The following STK3 variants were observed in gnomAD, a reference collection of about 807,000 sequenced individuals.
STK3 encodes the protein serine/threonine-protein kinase 3.
Under a neutral mutation model 58.0 loss-of-function variants are expected in STK3, and 41 were observed. The ratio of observed to expected loss-of-function variants is 0.71; its 90% CI spans 0.55 to 0.92. STK3 has a LOEUF of 0.92. Ranked by LOEUF, STK3 falls within the 40% of genes least tolerant of loss-of-function variation. The pLI is 0.00. For missense variants in STK3, 479 were observed against 602.7 expected (o/e 0.79, Z 2.15); for synonymous variants, 170 against 191.0 (o/e 0.89, Z 0.91).
intron 4 of STK3, among the ~76,000 whole-genome samples, chr8:98,745,634 A>G (rs1829588892): frequency 6.6e-6 from 1 of 152,190 alleles, no homozygotes; most frequent in Non-Finnish European, 1.5e-5. Flanking sequence ...GCATCTATCA[A>G]TTATGGAACA....
At chr8:98,756,198 G>A (rs373391735) in intron 3 of STK3, among the ~76,000 whole-genome samples, 81 of 151,492 alleles carry the variant, frequency 5.3e-4, no homozygotes, top group African/African-American at 1.1e-3. Flanking sequence ...AAGAACCAAC[G>A]AATAAATAAA....
chr8:98,523,111 C>A (rs1219317667), intron 10 of STK3, among the ~76,000 whole-genome samples: 1 of 152,092 alleles, frequency 6.6e-6, no homozygotes, highest in Non-Finnish European at 1.5e-5. Flanking sequence ...TTTTGAGGAA[C>A]CACCATACTG....
At position 98,814,052 on chromosome 8, in the gene STK3, A is replaced by C. The variant is rs575046639; in HGVS notation, c.26+11463T>G. Among the ~76,000 whole-genome samples, 6 of 152,130 alleles carry C rather than the reference A, an allele frequency of 3.9e-5. No homozygotes were observed. The South Asian group carries it at 1.2e-3, about 32-fold the overall frequency. ...AAAAAGGCAACTGAATCTTTAATTG[A>C]TTTTTTTCTTCTTTTTGAGACGGAG... On this transcript the variant is annotated intron_variant, in intron 1 of 10. Transcript: ENST00000419617.
chr8:98,727,309 T>G (rs1827858945), intron 4 of STK3, among the ~76,000 whole-genome samples: 1 of 152,190 alleles, frequency 6.6e-6, no homozygotes, highest in Non-Finnish European at 1.5e-5. Context: ...ATCTTGTAAC[T>G]GAGGGAAGAG....
intron 4 of STK3, among the ~76,000 whole-genome samples, chr8:98,742,231 T>C (rs968159914): frequency 9.9e-5 from 15 of 151,920 alleles, no homozygotes; most frequent in African/African-American, 3.4e-4. Context: ...ACTCATTTTA[T>C]GAGGCCAGCA....
chr8:98,475,661 T>A lies in STK3; in HGVS notation c.1318-19661A>T, dbSNP rs545982943. Among the ~76,000 whole-genome samples the A allele has an allele frequency of 7.2e-5, 11 of 152,360 alleles. No individual in the cohort carries two copies. The East Asian group carries it at 1.2e-3, about 16-fold the overall frequency. ...AGACAACTCTCTTAAGGAGGTTTTT[T>A]AAAGCATCATCTGATATCTACGCTA... On this transcript the variant is annotated intron_variant, in intron 10 of 10. Transcript: ENST00000419617.
intron 4 of STK3, among the ~76,000 whole-genome samples, chr8:98,748,990 A>G (rs763904413): frequency 2.0e-5 from 3 of 151,908 alleles, no homozygotes; most frequent in Non-Finnish European, 4.4e-5. Context: ...ATTAAACAAC[A>G]CACACACACG....
At chr8:98,573,673 G>A (rs1313614770) in intron 8 of STK3, among the ~76,000 whole-genome samples, 1 of 151,956 alleles carries the variant, frequency 6.6e-6, no homozygotes, top group Non-Finnish European at 1.5e-5. Context: ...GCTCATTCCA[G>A]CATTAACTCA....
At chr8:98,346,250 A>C in the STK3 span, among the ~76,000 whole-genome samples, 3 of 150,236 alleles carry the variant, frequency 2.0e-5, no homozygotes, top group African/African-American at 7.4e-5. Context: ...ACGCCATTGC[A>C]CTTCGGCCTG....
intron 9 of STK3, among the ~76,000 whole-genome samples, chr8:98,535,514 T>C (rs1314789429): frequency 1.3e-5 from 2 of 151,882 alleles, no homozygotes; most frequent in Non-Finnish European, 2.9e-5. Flanking sequence ...CGTTATGGTC[T>C]TGTTTTCTCC....
chr8:98,816,726 G>A (rs974158736), intron 1 of STK3, among the ~76,000 whole-genome samples: 2 of 152,032 alleles, frequency 1.3e-5, no homozygotes, highest in African/African-American at 4.8e-5. Flanking sequence ...TAGAGATGGG[G>A]TTTTGCCATG....
chr8:98,650,827 A>G (rs1820847485), intron 6 of STK3, among the ~76,000 whole-genome samples: 1 of 152,216 alleles, frequency 6.6e-6, no homozygotes, highest in African/African-American at 2.4e-5. Context: ...AGGTAAACAA[A>G]GCAGCCAGGA....
At chr8:98,840,607 A>ACG (rs1283840121) in intron 3 of STK3, among the ~76,000 whole-genome samples, 1 of 133,408 alleles carries the variant, frequency 7.5e-6, no homozygotes, top group African/African-American at 2.9e-5. Context: ...ATATATATAT[A>ACG]TATATATATA....
intron 6 of STK3, among the ~76,000 whole-genome samples, chr8:98,629,376 T>C (rs1818996320): frequency 6.6e-6 from 1 of 152,102 alleles, no homozygotes; most frequent in African/African-American, 2.4e-5. Flanking sequence ...GAAAGGGGCA[T>C]GAAAAAAACT....
chr8:98,515,712 C>T (rs563554557), intron 10 of STK3, among the ~76,000 whole-genome samples: 59 of 151,990 alleles, frequency 3.9e-4, no homozygotes, highest in African/African-American at 1.0e-3. Context: ...ATTTTGACCA[C>T]TGAACTTAAT....
intron 10 of STK3, among the ~76,000 whole-genome samples, chr8:98,469,403 T>C (rs1322485440): frequency 1.3e-5 from 2 of 152,180 alleles, no homozygotes; most frequent in Non-Finnish European, 2.9e-5. Context: ...TTCCTGCAAG[T>C]CTTCAGCGCT....
At chr8:98,366,580 A>G (rs1563584772), downstream of STK3, among the ~76,000 whole-genome samples, 1 of 152,236 alleles carries the variant, frequency 6.6e-6, no homozygotes, top group Non-Finnish European at 1.5e-5. Context: ...TAGGAAGCCA[A>G]CATACTTATT....
At chr8:98,666,129 A>C (rs2130814095) in intron 6 of STK3, among the ~76,000 whole-genome samples, 1 of 152,288 alleles carries the variant, frequency 6.6e-6, no homozygotes, top group African/African-American at 2.4e-5. Flanking sequence ...TCCTCATTCA[A>C]ATGGCATTAT....
rs1340266195 is a variant in STK3 at position 98,825,515 on chromosome 8, C to T, written c.26G>A (p.Ser9Asn). Residue 9 changes from serine to asparagine, a missense_variant and splice_region_variant, in exon 1 of 11, where the codon AGT becomes AAT. Ser to Asn is a conservative substitution (Grantham distance 46). Around this residue, in one of 3 missense-constraint regions of STK3, gnomAD observed 44 missense variants for 37.0 expected, o/e 1.19. Coordinates refer to ENST00000419617, the MANE Select transcript of STK3 (RefSeq NM_006281.4). ...TTCTTCCCGCTCCCCGATTCGTTAC[C>T]TCTTAGGCGCCGGCGGCTGCTCCAT... MEQPPAPK[S>N]KLKKLSEDSL... 2 of 1,458,264 alleles carry T rather than the reference C, an allele frequency of 1.4e-6. No homozygotes were observed. The highest frequency in any genetic ancestry group is 1.8e-6 in the Non-Finnish European group (2 of 1,099,802). 90.3% of individuals were successfully genotyped at this position (1,458,264 alleles called of 1,614,324 possible).
Sources: allele counts gnomAD v4.1 joint callset (sites outside exome capture counted in the v4.1 genomes callset), GRCh38; gene constraint gnomAD v4.1.1; regional missense constraint gnomAD v4.1.1; transcripts MANE v1.5; gene names NCBI Gene and HGNC (gene_info 2026-07-23, HGNC 2026-07-21).